POLD1: variants seen among roughly 807,000 people sequenced by gnomAD.
The protein encoded by POLD1 is DNA polymerase delta 1, catalytic subunit.
Under a neutral mutation model 129.7 loss-of-function variants are expected in POLD1, and 79 were observed. The ratio of observed to expected loss-of-function variants is 0.61; its 90% CI spans 0.51 to 0.73. The LOEUF (loss-of-function observed/expected upper bound fraction) is 0.73, where lower values mean the gene tolerates loss of function less well. Ranked by LOEUF, POLD1 falls within the 30% of genes least tolerant of loss-of-function variation. The pLI, the probability that POLD1 is intolerant of heterozygous loss-of-function variation, is 0.00. For missense variants in POLD1, 1,338 were observed against 1,595.8 expected, an observed-to-expected ratio of 0.84 and a Z score of 2.75; for synonymous variants, 714 against 683.3, an observed-to-expected ratio of 1.04 and a Z score of -0.70.
rs143918969 is a variant in POLD1 at position 50,393,138 on chromosome 19, TTTTATG to T, written c.-1-5707_-1-5702del. On this transcript the variant is annotated intron_variant, in intron 1 of 26. Coordinates refer to ENST00000440232, the MANE Select transcript of POLD1 (RefSeq NM_002691.4). ...TAGATGTGGAATTGAGCCTCCAAAC[TTTTATG>T]TTTATAATTGAGGTGGCATTTACAT... 1.6e-3 allele frequency among the ~76,000 whole-genome samples: 239 copies of T among 152,306 alleles called. 1 individual carries two copies. Among genetic ancestry groups the T allele is most frequent in the African/African-American group, 5.2e-3 (217 of 41,558 alleles).
At chr19:50,387,894 C>A (rs1312385455) in intron 1 of POLD1, 1 of 152,484 alleles carries the variant, frequency 6.6e-6, no homozygotes, top group Non-Finnish European at 1.5e-5. Context: ...ACGCTCACGG[C>A]TGCACCACTC....
At chr19:50,391,189 C>T (rs1351522805) in intron 1 of POLD1, among the ~76,000 whole-genome samples, 1 of 151,520 alleles carries the variant, frequency 6.6e-6, no homozygotes, top group African/African-American at 2.4e-5. Context: ...AGCAGCCGGG[C>T]AGAGACGCTC....
chr19:50,416,343 C>T (rs2039288894), intron 22 of POLD1, 53 bp from the exon 23 acceptor site: 1 of 1,536,620 alleles, frequency 6.5e-7, no homozygotes, highest in Non-Finnish European at 8.8e-7. Context: ...ACCCCGTGTC[C>T]ACCCCGGTGC....
rs1159244075 is a variant in POLD1 at position 50,406,780 on chromosome 19, C to T, written c.1495-203C>T. Among the ~76,000 whole-genome samples, 1 of 152,102 alleles carries T rather than the reference C, an allele frequency of 6.6e-6. No individual in the cohort carries two copies. Among genetic ancestry groups the T allele is most frequent in the Non-Finnish European group, 1.5e-5 (1 of 68,006 alleles). On this transcript the variant is annotated intron_variant, in intron 12 of 26. Transcript: ENST00000440232. The surrounding 1 kb of genome is among the most constrained non-coding windows in gnomAD (Gnocchi z 5.5). The stretch of plus-strand genomic sequence containing the variant: ...ACGGTGGCCTTCAGGCTGCTCCCTC[C>T]TCCTCCCTCTGGCCCTGTGGACTCC...
At chr19:50,408,445 T>G (rs541791477) in intron 14 of POLD1, among the ~76,000 whole-genome samples, 91 of 152,198 alleles carry the variant, frequency 6.0e-4, no homozygotes, top group African/African-American at 2.2e-3. Flanking sequence ...TGGAGTGCGG[T>G]GGCATGATCT....
At position 50,399,266 on chromosome 19, in the gene POLD1, G is replaced by T; in HGVS notation, c.203-105G>T. 3 of 1,166,332 alleles carry T rather than the reference G, an allele frequency of 2.6e-6. No homozygotes were observed. The East Asian group carries it at 7.6e-5, about 30-fold the overall frequency. 72.2% of individuals were successfully genotyped at this position (1,166,332 alleles called of 1,614,324 possible). ...TCATTCTCTTCCAAGTTTCCTGCCT[G>T]ACCCAGACCACCACCTCTGCCTGGC... On this transcript the variant is annotated intron_variant, in intron 2 of 26. Transcript: ENST00000440232.
At position 50,401,809 on chromosome 19, in the gene POLD1, A is replaced by G; in HGVS notation, c.348A>G (p.Pro116=). The G allele has an allele frequency of 6.2e-7, 1 of 1,613,184 alleles. No individual in the cohort carries two copies. Among genetic ancestry groups the G allele is most frequent in the Middle Eastern group, 1.7e-4 (1 of 6,036 alleles). ...GPAQPVPGGP[P]PSRGSVPVLR... ...CGCAGCCTGTGCCTGGGGGGCCCCC[A>G]CCATCCCGCGGCTCCGTGCCTGTGC... is the stretch of plus-strand genomic sequence containing the variant. The change falls in exon 4 of 27, where the codon CCA becomes CCG. Residue 116 remains proline (P), a synonymous_variant. Transcript: ENST00000440232.
In POLD1 at chr19:50,415,570, C is replaced by T. The variant is rs748246591; in HGVS notation, c.2697C>T (p.Ala899=). Residue 899 remains alanine (A), a synonymous_variant, in exon 21 of 27, where the codon GCC becomes GCT. Transcript: ENST00000440232. Reference sequence around the variant, plus strand: ...CCTCCGACTATGCCGGCAAGCAGGCCCACGTGGAGCTGGCCGAGAGGTCCT... The same window carrying T: ...CCTCCGACTATGCCGGCAAGCAGGCTCACGTGGAGCTGGCCGAGAGGTCCT... ...RAASDYAGKQ[A]HVELAERMRK... is the part of the protein sequence containing the mutation. The T allele has an allele frequency of 6.2e-7, 1 of 1,612,022 alleles. No homozygotes were observed. Among genetic ancestry groups the T allele is most frequent in the Non-Finnish European group, 8.5e-7 (1 of 1,179,166 alleles).
At chr19:50,411,033 C>T (rs1418913969) in intron 17 of POLD1, 1 of 148,788 alleles carries the variant, frequency 6.7e-6, no homozygotes, top group African/African-American at 2.6e-5. Context: ...TCGTGGCTCA[C>T]TGCAGCCTCA....
At chr19:50,394,797 C>T (rs1264124722) in intron 1 of POLD1, among the ~76,000 whole-genome samples, 1 of 152,168 alleles carries the variant, frequency 6.6e-6, no homozygotes, top group African/African-American at 2.4e-5. Context: ...GTAATCCCCT[C>T]TGTCTCAGCC....
In POLD1 at chr19:50,402,967, G is replaced by A; in HGVS notation, c.971-86G>A. On this transcript the variant is annotated intron_variant, in intron 8 of 26. Transcript: ENST00000440232. ...GTAGGGCCGGCAGGCAGCGGGGACA[G>A]CCCCGGGGAGATGGCAGGTGCAGCC... The A allele has an allele frequency of 2.0e-6, 3 of 1,497,466 alleles. No homozygotes were observed. The South Asian group carries it at 3.6e-5, about 18-fold the overall frequency. The allele number at this position is 1,497,466 out of a possible 1,614,324, so 92.8% of individuals were successfully genotyped here.
At position 50,402,299 on chromosome 19, in the gene POLD1, A is replaced by T. The variant is rs1234024396; in HGVS notation, c.684A>T (p.Glu228Asp). 6.2e-7 allele frequency: 1 copy of T among 1,610,868 alleles called. No individual in the cohort carries two copies. Among genetic ancestry groups the T allele is most frequent in the Admixed American group, 1.7e-5 (1 of 59,778 alleles). ...TGGCCCCGGCCCGCCGTCTCCTGGA[A>T]CAGGGCATCCGTGTGGCAGGCCTGG... is the stretch of plus-strand genomic sequence containing the variant. ...RLVAPARRLL[E>D]QGIRVAGLGT... is the part of the protein sequence containing the mutation. The change falls in exon 6 of 27, where the codon GAA becomes GAT. Residue 228 changes from glutamate (E) to aspartate (D), a missense_variant. By Grantham distance (45) the Glu-to-Asp change is conservative. Coordinates refer to ENST00000440232, the MANE Select transcript of POLD1 (RefSeq NM_002691.4).
Position 50,416,924 on chromosome 19 carries a change from C to T in POLD1, c.3068-121C>T, listed in dbSNP as rs796164247. On this transcript the variant is annotated intron_variant, in intron 24 of 26. Coordinates refer to ENST00000440232, the MANE Select transcript of POLD1 (RefSeq NM_002691.4). ...TCCCCAGGGGAGTTTTCCCAGCACA[C>T]TTGCTCCGTTGTTCTCCAGCCTCTG... is the stretch of plus-strand genomic sequence containing the variant. 66 of 1,197,774 alleles carry T rather than the reference C, an allele frequency of 5.5e-5. No individual in the cohort carries two copies. In the African/African-American group the frequency reaches 8.1e-4, roughly 15 times the overall value. 74.2% of individuals were successfully genotyped at this position (1,197,774 alleles called of 1,614,324 possible).
At chr19:50,390,572 A>ATTTTTTTT (rs563258123) in intron 1 of POLD1, among the ~76,000 whole-genome samples, 2,598 of 135,832 alleles carry the variant, frequency 0.019, 93 homozygotes, top group African/African-American at 0.068. Context: ...CTTGAGAACT[A>ATTTTTTTT]TTTTTTTTTT....
chr19:50,407,315 C>G lies in POLD1; in HGVS notation c.1687-12C>G. On this transcript the variant is annotated splice_polypyrimidine_tract_variant and intron_variant, in intron 13 of 26. Coordinates refer to ENST00000440232, the MANE Select transcript of POLD1 (RefSeq NM_002691.4). ...CTATACCCACTCCATTTCCCACCTT[C>G]TCCCCTCCCAGGCCATGCACGAGGG... 1 of 1,609,024 alleles carries G rather than the reference C, an allele frequency of 6.2e-7. No homozygotes were observed. Among genetic ancestry groups the G allele is most frequent in the Non-Finnish European group, 8.5e-7 (1 of 1,176,690 alleles).
intron 26 of POLD1, 144 bp from the exon 27 acceptor site, chr19:50,417,698 C>A: frequency 3.1e-6 from 1 of 321,372 alleles, no homozygotes; most frequent in Non-Finnish European, 6.1e-6. Flanking sequence ...CCCGTGCCTG[C>A]TGAGCAAACA....
Position 50,406,851 on chromosome 19 carries a change from T to C in POLD1, c.1495-132T>C, listed in dbSNP as rs989973621. Reference sequence around the variant, plus strand: ...CATCCCCACCCAGACCCTGACGACTTGGAGGGCCCTCCTGCCCGCCTCACC... The same window carrying C: ...CATCCCCACCCAGACCCTGACGACTCGGAGGGCCCTCCTGCCCGCCTCACC... On this transcript the variant is annotated intron_variant, in intron 12 of 26. Transcript: ENST00000440232. The surrounding 1 kb of genome is among the most constrained non-coding windows in gnomAD (Gnocchi z 5.5). 2 of 726,778 alleles carry C rather than the reference T, an allele frequency of 2.8e-6. No homozygotes were observed. Among genetic ancestry groups the C allele is most frequent in the African/African-American group, 3.5e-5 (2 of 56,638 alleles). The allele number at this position is 726,778 out of a possible 1,614,324, so 45.0% of individuals were successfully genotyped here.
chr19:50,413,589 A>G (rs936959649), intron 18 of POLD1, 68 bp downstream of exon 18: 20 of 1,534,318 alleles, frequency 1.3e-5, no homozygotes, highest in Non-Finnish European at 1.7e-5. Flanking sequence ...GCCGGGCCGG[A>G]CCCCCATGTC....
At chr19:50,405,912 G>A (rs931782806) in intron 10 of POLD1, among the ~76,000 whole-genome samples, 9 of 152,146 alleles carry the variant, frequency 5.9e-5, no homozygotes, top group African/African-American at 1.2e-4. Context: ...GGTACAGCCC[G>A]CAGACACTGG....
Sources: gnomAD v4.1 joint callset for allele counts (sites outside exome capture counted in the v4.1 genomes callset) on GRCh38, gnomAD v4.1.1 for gene constraint, Gnocchi (gnomAD v3.1) non-coding constraint, MANE v1.5 for transcripts, NCBI Gene and HGNC (gene_info 2026-07-23, HGNC 2026-07-21) for gene names.